The following ABCD2 variants were observed in gnomAD, a reference collection of about 807,000 sequenced individuals.
ABCD2 encodes the protein ATP binding cassette subfamily D member 2, also known as ATP-binding cassette sub-family D member 2.
Under a neutral mutation model 70.9 loss-of-function variants are expected in ABCD2, and 36 were observed. The ratio of observed to expected loss-of-function variants is 0.51; its 90% CI spans 0.39 to 0.67. The LOEUF (loss-of-function observed/expected upper bound fraction) is 0.67. ABCD2 is among the 30% of genes least tolerant of loss of function. The probability of loss-of-function intolerance (pLI) is 0.00; values close to 1 mark genes in which losing one functional copy is unlikely to be tolerated. For missense variants in ABCD2, 729 were observed against 890.2 expected, an observed-to-expected ratio of 0.82 and a Z score of 2.30; for synonymous variants, 304 against 306.9, an observed-to-expected ratio of 0.99 and a Z score of 0.10.
intron 6 of ABCD2, among the ~76,000 whole-genome samples, chr12:39,593,228 C>T (rs1941769999): frequency 6.6e-6 from 1 of 152,022 alleles, no homozygotes; most frequent in Non-Finnish European, 1.5e-5. Context: ...AATGGAACTT[C>T]ACAGCTTTTA....
At chr12:39,544,679 T>A in the ABCD2 span, among the ~76,000 whole-genome samples, 2 of 152,050 alleles carry the variant, frequency 1.3e-5, no homozygotes, top group African/African-American at 2.4e-5. Context: ...TCTTAAGGTG[T>A]AGATTATGAA....
intron 9 of ABCD2, among the ~76,000 whole-genome samples, chr12:39,572,519 A>C (rs1941461778): frequency 6.6e-6 from 1 of 152,206 alleles, no homozygotes; most frequent in African/African-American, 2.4e-5. Context: ...AAAAATCTGA[A>C]GGTTTAAACT....
At chr12:39,604,702 T>G in intron 4 of ABCD2, 60 bp downstream of exon 4, 1 of 1,366,240 alleles carries the variant, frequency 7.3e-7, no homozygotes. Context: ...CTTCTTAAAC[T>G]TTGGTTCTGT....
intron 6 of ABCD2, among the ~76,000 whole-genome samples, chr12:39,595,839 A>G (rs1248804684): frequency 2.6e-5 from 4 of 152,194 alleles, no homozygotes; most frequent in Non-Finnish European, 5.9e-5. Flanking sequence ...TTAGCACATA[A>G]AATTGTGTCA....
intron 9 of ABCD2, among the ~76,000 whole-genome samples, chr12:39,565,991 G>C (rs886923459): frequency 6.6e-6 from 1 of 152,128 alleles, no homozygotes; most frequent in Non-Finnish European, 1.5e-5. Context: ...ACTTGATCAT[G>C]GTGGATAAGC....
the ABCD2 span, among the ~76,000 whole-genome samples, chr12:39,532,996 G>GA: frequency 2.6e-3 from 385 of 145,668 alleles, 2 homozygotes; most frequent in African/African-American, 7.4e-3. Context: ...CGTCTCTACT[G>GA]AAAAAAAAAA....
Position 39,551,960 on chromosome 12 carries a change from G to C in ABCD2, c.*1952C>G, listed in dbSNP as rs547843306. The C allele has an allele frequency of 6.6e-6, 1 of 151,526 alleles. No individual in the cohort carries two copies. 9.4% of individuals were successfully genotyped at this position (151,526 alleles called of 1,614,324 possible). A position where few individuals can be genotyped will look rare whatever the true frequency, so the allele number is the denominator to read the frequency against. ...CTTAAAACACTTGCCTCAGACTTTT[G>C]CCCTTGTAGCAGTATAAACTGGATA... On this transcript the variant is annotated 3_prime_UTR_variant, in exon 10 of 10. Coordinates refer to ENST00000308666, the MANE Select transcript of ABCD2 (RefSeq NM_005164.4).
chr12:39,605,526 T>G (rs1177592750), intron 3 of ABCD2, among the ~76,000 whole-genome samples: 1 of 152,020 alleles, frequency 6.6e-6, no homozygotes, highest in Non-Finnish European at 1.5e-5. Flanking sequence ...AGAAAAACAT[T>G]AAATATATTT....
chr12:39,558,283 T>C (rs1320500968), intron 9 of ABCD2, among the ~76,000 whole-genome samples: 6 of 152,230 alleles, frequency 3.9e-5, no homozygotes, highest in Non-Finnish European at 8.8e-5. Context: ...GCCCATTTCA[T>C]GTACCCCCAT....
chr12:39,591,099 T>C (rs1206393406), intron 6 of ABCD2, among the ~76,000 whole-genome samples: 1 of 152,212 alleles, frequency 6.6e-6, no homozygotes, highest in African/African-American at 2.4e-5. Context: ...AAGAATAATG[T>C]ACCACTAAGT....
the ABCD2 span, among the ~76,000 whole-genome samples, chr12:39,534,799 AAAG>A: frequency 4.3e-3 from 590 of 136,504 alleles, 5 homozygotes; most frequent in African/African-American, 0.015. Context: ...AGAAAGAAAG[AAAG>A]AAAGAAAAGA....
chr12:39,611,370 A>G (rs1273492027), intron 2 of ABCD2, among the ~76,000 whole-genome samples: 1 of 151,992 alleles, frequency 6.6e-6, no homozygotes, highest in Non-Finnish European at 1.5e-5. Context: ...GTTTTTGTAA[A>G]CCTAAAACTT....
At chr12:39,581,249 G>A (rs1941591726) in intron 7 of ABCD2, among the ~76,000 whole-genome samples, 1 of 152,114 alleles carries the variant, frequency 6.6e-6, no homozygotes, top group African/African-American at 2.4e-5. Context: ...TTATGTGAAA[G>A]TGTTACTCCA....
chr12:39,617,723 G>A (rs1366250607), intron 1 of ABCD2, among the ~76,000 whole-genome samples: 1 of 152,050 alleles, frequency 6.6e-6, no homozygotes, highest in Admixed American at 6.6e-5. Context: ...TATTTTTCAG[G>A]TTGCTACTGC....
intron 3 of ABCD2, among the ~76,000 whole-genome samples, chr12:39,605,173 A>G (rs1478280587): frequency 6.6e-6 from 1 of 152,080 alleles, no homozygotes; most frequent in African/African-American, 2.4e-5. Flanking sequence ...AATGACACTT[A>G]AGGATCTTTC....
Position 39,619,504 on chromosome 12 carries a change from G to C in ABCD2, c.112C>G (p.Pro38Ala). Residue 38 changes from proline (P) to alanine (A), a missense_variant, in exon 1 of 10, where the codon CCC (proline) becomes GCC (alanine). By Grantham distance (27) the Pro-to-Ala change is conservative (BLOSUM62 -1). Coordinates refer to ENST00000308666, the MANE Select transcript of ABCD2 (RefSeq NM_005164.4). ...AAAYALKTLY[P>A]IIGKRLKQSG... Reference sequence around the variant, plus strand: ...TGCTTTAAACGCTTGCCAATGATGGGATAGAGGGTTTTCAGAGCATATGCC... The same window carrying C: ...TGCTTTAAACGCTTGCCAATGATGGCATAGAGGGTTTTCAGAGCATATGCC... 1 of 1,612,794 alleles carries C rather than the reference G, an allele frequency of 6.2e-7. No individual in the cohort carries two copies. The highest frequency in any genetic ancestry group is 2.2e-5 in the East Asian group (1 of 44,876).
chr12:39,602,953 T>C (rs1941921122), intron 5 of ABCD2, among the ~76,000 whole-genome samples: 1 of 152,180 alleles, frequency 6.6e-6, no homozygotes, highest in Non-Finnish European at 1.5e-5. Flanking sequence ...TAATTGGTGC[T>C]TGTGGTCAGA....
chr12:39,619,685 G>A lies in ABCD2; in HGVS notation c.-70C>T. ...AGATCATGCTTCACAGAAATCCCCAGCAAATGTTTTAGAAAGTCCTACAGC... is the reference window on the plus strand; with the variant it reads ...AGATCATGCTTCACAGAAATCCCCAACAAATGTTTTAGAAAGTCCTACAGC... On this transcript the variant is annotated 5_prime_UTR_variant, in exon 1 of 10. Transcript: ENST00000308666. 1 of 1,398,060 alleles carries A rather than the reference G, an allele frequency of 7.2e-7. No homozygotes were observed. The highest frequency in any genetic ancestry group is 9.7e-7 in the Non-Finnish European group (1 of 1,032,612). 86.6% of individuals were successfully genotyped at this position (1,398,060 alleles called of 1,614,324 possible).
intron 9 of ABCD2, among the ~76,000 whole-genome samples, chr12:39,559,735 T>A (rs1323706772): frequency 6.6e-6 from 1 of 152,170 alleles, no homozygotes; most frequent in Non-Finnish European, 1.5e-5. Context: ...TTCAACGTGC[T>A]GAAGGGAAAA....
Sources: allele counts gnomAD v4.1 joint callset (sites outside exome capture counted in the v4.1 genomes callset), GRCh38; gene constraint gnomAD v4.1.1; transcripts MANE v1.5; gene names NCBI Gene and HGNC (gene_info 2026-07-23, HGNC 2026-07-21).